The following PDHX variants were observed in gnomAD, a reference collection of about 807,000 sequenced individuals.
The protein encoded by PDHX is pyruvate dehydrogenase complex component X.
In PDHX, 33 loss-of-function variants were observed where a neutral mutation model predicts 55.3. The observed-to-expected ratio is 0.60, with a 90% CI of 0.45 to 0.80. PDHX has a LOEUF of 0.80. PDHX is among the 30% of genes least tolerant of loss of function. The probability of loss-of-function intolerance (pLI) is 0.00; values close to 1 mark genes in which losing one functional copy is unlikely to be tolerated. For missense variants in PDHX, 622 were observed against 619.9 expected (o/e 1.00, Z -0.04); for synonymous variants, 226 against 219.4 (o/e 1.03, Z -0.27).
At chr11:34,915,966 TCA>T (rs1853671390), upstream of PDHX, 5 of 571,538 alleles carry the variant, frequency 8.7e-6, no homozygotes, top group Admixed American at 3.2e-5. Context: ...CTCTCCTCTC[TCA>T]GTTATTTGCT....
intron 9 of PDHX, among the ~76,000 whole-genome samples, chr11:34,990,207 A>G (rs1311850944): frequency 6.6e-6 from 1 of 152,224 alleles, no homozygotes; most frequent in Admixed American, 6.5e-5. Flanking sequence ...AGTTTACCTT[A>G]TAAGTACCCA....
At chr11:34,926,732 A>G (rs1854032279) in intron 1 of PDHX, among the ~76,000 whole-genome samples, 1 of 152,038 alleles carries the variant, frequency 6.6e-6, no homozygotes, top group Non-Finnish European at 1.5e-5. Flanking sequence ...TAAAGCTTTG[A>G]TATAATTGAG....
intron 2 of PDHX, among the ~76,000 whole-genome samples, chr11:34,943,262 A>G (rs1854534797): frequency 6.6e-6 from 1 of 152,242 alleles, no homozygotes; most frequent in Non-Finnish European, 1.5e-5. Context: ...TGATTTTTAA[A>G]TAAATTAGAC....
intron 1 of PDHX, among the ~76,000 whole-genome samples, chr11:34,930,674 C>T (rs990794221): frequency 3.3e-5 from 5 of 152,120 alleles, no homozygotes; most frequent in African/African-American, 1.2e-4. Context: ...GAAGTGCAGC[C>T]GGACAAATAC....
At chr11:34,955,509 ACTTGTC>A (rs944568730) in intron 3 of PDHX, among the ~76,000 whole-genome samples, 2 of 152,134 alleles carry the variant, frequency 1.3e-5, no homozygotes, top group African/African-American at 4.8e-5. Flanking sequence ...GTTGTATATC[ACTTGTC>A]CTTGTCCATT....
intron 4 of PDHX, among the ~76,000 whole-genome samples, chr11:34,960,003 AAATGCC>A (rs1333840178): frequency 6.6e-6 from 1 of 152,224 alleles, no homozygotes; most frequent in Non-Finnish European, 1.5e-5. Context: ...TGATTGTACT[AAATGCC>A]ACTCAGTTGT....
chr11:34,941,303 T>G (rs1854471986), intron 2 of PDHX, among the ~76,000 whole-genome samples: 1 of 152,224 alleles, frequency 6.6e-6, no homozygotes, highest in Non-Finnish European at 1.5e-5. Flanking sequence ...CATTCTGCTG[T>G]AGGTACTAAT....
chr11:34,952,175 A>G (rs951098117), intron 3 of PDHX, among the ~76,000 whole-genome samples: 23 of 152,324 alleles, frequency 1.5e-4, no homozygotes, highest in Admixed American at 1.0e-3. Flanking sequence ...CAATAACAGT[A>G]TCTGAAATTG....
Position 34,966,650 on chromosome 11 carries a change from A to G in PDHX, c.652A>G (p.Lys218Glu). 6.2e-7 allele frequency: 1 copy of G among 1,614,096 alleles called. No homozygotes were observed. Among genetic ancestry groups the G allele is most frequent in the South Asian group, 1.1e-5 (1 of 91,080 alleles). Residue 218 changes from lysine to glutamate, a missense_variant, in exon 6 of 11, where the codon AAA becomes GAA. Physicochemically the swap from Lys to Glu is moderately conservative, Grantham distance 56. Coordinates refer to ENST00000227868, the MANE Select transcript of PDHX (RefSeq NM_003477.3). ...TGCTCTTATTTCCAGGGATGCTCTC[A>G]AACTTGTCCAGTTGAAACAAACGGG... ...RGIFTKEDAL[K>E]LVQLKQTGKI...
At chr11:34,924,887 A>G (rs147016840) in intron 1 of PDHX, among the ~76,000 whole-genome samples, 58 of 151,926 alleles carry the variant, frequency 3.8e-4, no homozygotes, top group Non-Finnish European at 7.4e-4. Flanking sequence ...CTCTGTTTCT[A>G]TTTTAGCCGT....
In PDHX at chr11:34,995,577, C is replaced by A; in HGVS notation, c.*405C>A. On this transcript the variant is annotated 3_prime_UTR_variant, in exon 11 of 11. Transcript: ENST00000227868. ...TAATTATGTTGAAGGTAGAAGTGATCTTCAAAGAGATGGCCATTAACTTAG... is the reference window on the plus strand; with the variant it reads ...TAATTATGTTGAAGGTAGAAGTGATATTCAAAGAGATGGCCATTAACTTAG... The A allele has an allele frequency of 3.8e-6, 1 of 260,538 alleles. No homozygotes were observed. Among genetic ancestry groups the A allele is most frequent in the South Asian group, 4.3e-5 (1 of 23,386 alleles). The allele number at this position is 260,538 out of a possible 1,614,324, so 16.1% of individuals were successfully genotyped here.
At chr11:34,974,327 T>TCC (rs1855321853) in intron 7 of PDHX, among the ~76,000 whole-genome samples, 1 of 152,230 alleles carries the variant, frequency 6.6e-6, no homozygotes, top group Non-Finnish European at 1.5e-5. Flanking sequence ...TCATGCATGT[T>TCC]GCAGAATGTA....
chr11:34,957,637 C>G (rs1047943696), intron 4 of PDHX, 54 bp downstream of exon 4: 17 of 1,362,686 alleles, frequency 1.2e-5, no homozygotes, highest in Non-Finnish European at 1.8e-5. Context: ...TATGGCAGTT[C>G]TTATGGAATT....
intron 5 of PDHX, among the ~76,000 whole-genome samples, chr11:34,960,861 TA>T (rs1416736693): frequency 2.0e-5 from 3 of 152,168 alleles, no homozygotes; most frequent in Non-Finnish European, 4.4e-5. Flanking sequence ...AACAAGGAAA[TA>T]TATTTTTAAA....
At chr11:34,956,739 A>C (rs571737235) in intron 3 of PDHX, among the ~76,000 whole-genome samples, 1 of 152,128 alleles carries the variant, frequency 6.6e-6, no homozygotes, top group Non-Finnish European at 1.5e-5. Context: ...TGTGTTTCTG[A>C]TATACTTATA....
chr11:34,986,323 A>AG (rs67717429), intron 9 of PDHX, among the ~76,000 whole-genome samples: 12 of 27,642 alleles, frequency 4.3e-4, no homozygotes, highest in Non-Finnish European at 1.5e-3. Flanking sequence ...AAAAAAAAAA[A>AG]AAAGAAAGGT....
At chr11:34,947,301 A>G (rs1854642776) in intron 2 of PDHX, among the ~76,000 whole-genome samples, 1 of 152,120 alleles carries the variant, frequency 6.6e-6, no homozygotes, top group Admixed American at 6.6e-5. Context: ...TATGTCCATT[A>G]TAGAGCTTTT....
At chr11:34,992,410 A>T (rs1855774485) in intron 10 of PDHX, 31 bp downstream of exon 10, 1 of 1,093,560 alleles carries the variant, frequency 9.1e-7, no homozygotes, top group East Asian at 2.4e-5. Flanking sequence ...TATCCATAGC[A>T]TCAAACAGAT....
chr11:34,935,664 A>G (rs6484748), intron 2 of PDHX, among the ~76,000 whole-genome samples: 28,783 of 152,058 alleles, frequency 0.19, 3,888 homozygotes, highest in African/African-American at 0.39. Flanking sequence ...TACAGTACCT[A>G]TTAGGGATTG....
Sources: gnomAD v4.1 joint callset for allele counts (sites outside exome capture counted in the v4.1 genomes callset) on GRCh38, gnomAD v4.1.1 for gene constraint, MANE v1.5 for transcripts, NCBI Gene and HGNC (gene_info 2026-07-23, HGNC 2026-07-21) for gene names.